KAT7: variants seen among roughly 807,000 people sequenced by gnomAD.
KAT7 encodes the protein lysine acetyltransferase 7.
KAT7 carries 10 observed loss-of-function variants against 82.1 expected under a neutral mutation model. The observed-to-expected ratio is 0.12, with a 90% CI of 0.08 to 0.21. KAT7 has a LOEUF of 0.21. KAT7 is among the 10% of genes least tolerant of loss of function. The pLI is 1.00. For missense variants in KAT7, 378 were observed against 760.9 expected (o/e 0.50, Z 5.92); for synonymous variants, 250 against 262.5 (o/e 0.95, Z 0.46).
chr17:49,806,760 A>G (rs1452493637), intron 5 of KAT7, among the ~76,000 whole-genome samples: 1 of 152,270 alleles, frequency 6.6e-6, no homozygotes, highest in Non-Finnish European at 1.5e-5. Flanking sequence ...TAGAAAAAGA[A>G]AAATTTCAGT....
chr17:49,788,942 C>G lies in KAT7; in HGVS notation c.15+93C>G, dbSNP rs2073844561. 1.1e-5 allele frequency: 13 copies of G among 1,196,718 alleles called. No homozygotes were observed. The South Asian group carries it at 2.1e-4, about 19-fold the overall frequency. 74.1% of individuals were successfully genotyped at this position (1,196,718 alleles called of 1,614,324 possible). On this transcript the variant is annotated intron_variant, in intron 1 of 14. Coordinates refer to ENST00000259021, the MANE Select transcript of KAT7 (RefSeq NM_007067.5). ...GCCACGCCTCACAGTGCTTGGGTCC[C>G]AACTTTCCGCTCCCCCGAACCTTGT...
intron 14 of KAT7, chr17:49,827,028 C>A: frequency 2.1e-6 from 1 of 469,094 alleles, no homozygotes; most frequent in Non-Finnish European, 3.8e-6. Flanking sequence ...TTAAGCAGCT[C>A]CAGTTAAGCA....
chr17:49,803,263 C>T (rs367831797), intron 4 of KAT7, among the ~76,000 whole-genome samples: 1 of 151,722 alleles, frequency 6.6e-6, no homozygotes, highest in African/African-American at 2.4e-5. Context: ...CATGCATCAC[C>T]ATGCTGGTCT....
At chr17:49,821,300 G>C (rs1322600877) in intron 9 of KAT7, 37 bp from the exon 10 acceptor site, 4 of 1,506,728 alleles carry the variant, frequency 2.7e-6, no homozygotes, top group Non-Finnish European at 3.7e-6. Flanking sequence ...TTGTTGGGAG[G>C]CTTTGGTTCC....
rs2074385566 is a variant in KAT7 at position 49,827,778 on chromosome 17, T to G, written c.*276T>G. ...ACTGACCCAAGGAGTTCTGTTATGG[T>G]ACTGTACCTGTCCAGTCACTGGTTC... On this transcript the variant is annotated 3_prime_UTR_variant, in exon 15 of 15. Transcript: ENST00000259021. The G allele has an allele frequency of 4.7e-6, 2 of 427,308 alleles. No homozygotes were observed. The allele number at this position is 427,308 out of a possible 1,614,324, so 26.5% of individuals were successfully genotyped here.
chr17:49,790,073 G>C (rs907024833), intron 1 of KAT7: 2 of 152,200 alleles, frequency 1.3e-5, no homozygotes, highest in African/African-American at 4.8e-5. Context: ...TTGGAAAACT[G>C]GGTGGTATTC....
Position 49,796,682 on chromosome 17 carries a change from A to G in KAT7, c.164-68A>G, listed in dbSNP as rs763021548. Reference sequence around the variant, plus strand: ...AGGAGGAGGAGCGATATTCTGATAAATTATATGGATAGGAAGTAAAACAGA... The same window carrying G: ...AGGAGGAGGAGCGATATTCTGATAAGTTATATGGATAGGAAGTAAAACAGA... On this transcript the variant is annotated intron_variant, in intron 2 of 14. Transcript: ENST00000259021. 5.8e-5 allele frequency: 75 copies of G among 1,284,250 alleles called. No individual in the cohort carries two copies. In the African/African-American group the frequency reaches 1.1e-3, roughly 18 times the overall value. The allele number at this position is 1,284,250 out of a possible 1,614,324, so 79.6% of individuals were successfully genotyped here. A position where few individuals can be genotyped will look rare whatever the true frequency, so the allele number is the denominator to read the frequency against.
At chr17:49,796,671 T>C in intron 2 of KAT7, 79 bp from the exon 3 acceptor site, 1 of 1,108,708 alleles carries the variant, frequency 9.0e-7, no homozygotes, top group East Asian at 2.4e-5. Flanking sequence ...GGAGGAGCGA[T>C]ATTCTGATAA....
At position 49,788,812 on chromosome 17, in the gene KAT7, C is replaced by T. The variant is rs187579044; in HGVS notation, c.-23C>T. The T allele has an allele frequency of 7.8e-5, 123 of 1,580,784 alleles. No homozygotes were observed. The East Asian group carries it at 2.8e-3, about 36-fold the overall frequency. On this transcript the variant is annotated 5_prime_UTR_variant, in exon 1 of 15. Coordinates refer to ENST00000259021, the MANE Select transcript of KAT7 (RefSeq NM_007067.5). ...GCTGCCGCCGCTGCCCGAATCGGAA[C>T]CGTCGGGCCGCAGCCGCCGGCAATG...
At chr17:49,791,093 A>T (rs1264312865) in intron 1 of KAT7, among the ~76,000 whole-genome samples, 1 of 152,238 alleles carries the variant, frequency 6.6e-6, no homozygotes, top group African/African-American at 2.4e-5. Flanking sequence ...TTTCATGTGG[A>T]GAAACGTCAA....
At chr17:49,799,822 C>A (rs1257264049) in intron 4 of KAT7, among the ~76,000 whole-genome samples, 1 of 150,792 alleles carries the variant, frequency 6.6e-6, no homozygotes, top group African/African-American at 2.4e-5. Context: ...GGCTTTCAAG[C>A]TTGGCTTTTT....
intron 4 of KAT7, 51 bp from the exon 5 acceptor site, chr17:49,805,312 C>A: frequency 3.1e-6 from 4 of 1,284,572 alleles, no homozygotes; most frequent in Non-Finnish European, 4.5e-6. Context: ...AAACATACTA[C>A]TTTCTAAGCT....
At chr17:49,808,508 T>TG (rs2074120497) in intron 5 of KAT7, among the ~76,000 whole-genome samples, 1 of 151,464 alleles carries the variant, frequency 6.6e-6, no homozygotes, top group South Asian at 2.1e-4. Context: ...TGGAGTGCAG[T>TG]GGTGCGATCT....
At chr17:49,805,708 T>G (rs1054948471) in intron 5 of KAT7, among the ~76,000 whole-genome samples, 1 of 152,240 alleles carries the variant, frequency 6.6e-6, no homozygotes, top group African/African-American at 2.4e-5. Context: ...CACTAGTGCA[T>G]TGATATTTTC....
chr17:49,796,861 A>G lies in KAT7; in HGVS notation c.275A>G (p.Tyr92Cys). Residue 92 changes from tyrosine to cysteine, a missense_variant, in exon 3 of 15, where the codon TAC (tyrosine) becomes TGC (cysteine). Transcript: ENST00000259021. ...QQPTPVTPKK[Y>C]PLRQTRSSGS... ...CCTACCCCAGTGACACCGAAAAAATACCCTCTTCGGCAGACTCGTTCATCT... is the reference window on the plus strand; with the variant it reads ...CCTACCCCAGTGACACCGAAAAAATGCCCTCTTCGGCAGACTCGTTCATCT... 6.2e-7 allele frequency: 1 copy of G among 1,614,134 alleles called. No homozygotes were observed. The highest frequency in any genetic ancestry group is 8.5e-7 in the Non-Finnish European group (1 of 1,180,028).
At position 49,829,067 on chromosome 17, in the gene KAT7, ACTC is replaced by A. The variant is rs1047533721; in HGVS notation, c.*1569_*1571del. ...TGGTAGAATGTGCTCTTCTATATCTACTCCTCAATAAAGCATGTTCTCTGCTCA... is the reference window on the plus strand; with the variant it reads ...TGGTAGAATGTGCTCTTCTATATCTACTCAATAAAGCATGTTCTCTGCTCA... On this transcript the variant is annotated 3_prime_UTR_variant, in exon 15 of 15. Coordinates refer to ENST00000259021, the MANE Select transcript of KAT7 (RefSeq NM_007067.5). 1.3e-5 allele frequency: 2 copies of A among 152,160 alleles called. No homozygotes were observed. The highest frequency in any genetic ancestry group is 2.9e-5 in the Non-Finnish European group (2 of 67,952). The allele number at this position is 152,160 out of a possible 1,614,324, so 9.4% of individuals were successfully genotyped here. A position where few individuals can be genotyped will look rare whatever the true frequency, so the allele number is the denominator to read the frequency against.
intron 5 of KAT7, 107 bp downstream of exon 5, chr17:49,805,552 C>T (rs925560895): frequency 1.5e-6 from 1 of 653,922 alleles, no homozygotes; most frequent in Non-Finnish European, 2.7e-6. Context: ...GGGTAGGGTC[C>T]TTGTTCTTAC....
In KAT7 at chr17:49,814,298, T is replaced by A. The variant is rs181818683; in HGVS notation, c.853-1505T>A. ...TGTGGGGTGAATTTGTAGTTAGACC[T>A]TTACACCAGACTGTGTTGGTTTGTA... On this transcript the variant is annotated intron_variant, in intron 7 of 14. Coordinates refer to ENST00000259021, the MANE Select transcript of KAT7 (RefSeq NM_007067.5). Among the ~76,000 whole-genome samples the A allele has an allele frequency of 1.3e-4, 20 of 152,340 alleles. No homozygotes were observed. The East Asian group carries it at 2.7e-3, about 21-fold the overall frequency.
At chr17:49,818,130 A>T in intron 9 of KAT7, 119 bp downstream of exon 9, 1 of 735,478 alleles carries the variant, frequency 1.4e-6, no homozygotes, top group South Asian at 1.8e-5. Context: ...CAGCAGTGGG[A>T]TGAAGGCATA....
Sources: allele counts gnomAD v4.1 joint callset (sites outside exome capture counted in the v4.1 genomes callset), GRCh38; gene constraint gnomAD v4.1.1; transcripts MANE v1.5; gene names NCBI Gene and HGNC (gene_info 2026-07-23, HGNC 2026-07-21).